Variants in SPINK5 observed in about 807,000 individuals in gnomAD.
SPINK5 encodes the protein serine protease inhibitor Kazal-type 5.
In SPINK5, 125 loss-of-function variants were observed where a neutral mutation model predicts 151.8. The ratio of observed to expected loss-of-function variants is 0.82; its 90% confidence interval spans 0.71 to 0.96. The LOEUF is 0.96. Ranked by LOEUF, SPINK5 falls within the 40% of genes least tolerant of loss-of-function variation. SPINK5 has a pLI of 0.00. For missense variants in SPINK5, 1,194 were observed against 1,291.9 expected (o/e 0.92, Z 1.16); for synonymous variants, 374 against 395.3 (o/e 0.95, Z 0.64).
At chr5:148,113,465 T>G (rs1191052079) in intron 20 of SPINK5, among the ~76,000 whole-genome samples, 2 of 152,210 alleles carry the variant, frequency 1.3e-5, no homozygotes, top group Non-Finnish European at 2.9e-5. Context: ...TATTTGTTTT[T>G]GGATTACCAC....
chr5:148,128,954 G>T (rs752025069), intron 30 of SPINK5, among the ~76,000 whole-genome samples: 7 of 152,112 alleles, frequency 4.6e-5, no homozygotes, highest in Non-Finnish European at 1.0e-4. Context: ...ATAATGCCAA[G>T]GAGGAAATAA....
chr5:148,077,855 T>C (rs1752924620), intron 4 of SPINK5, among the ~76,000 whole-genome samples: 1 of 150,716 alleles, frequency 6.6e-6, no homozygotes, highest in Admixed American at 6.6e-5. Context: ...TATAAAGGTG[T>C]ACTAGAAATA....
At position 148,131,117 on chromosome 5, in the gene SPINK5, T is replaced by C. The variant is rs541338551; in HGVS notation, c.2965-142T>C. 3 of 1,178,548 alleles carry C rather than the reference T, an allele frequency of 2.5e-6. No homozygotes were observed. In the South Asian group the frequency reaches 3.7e-5, roughly 14 times the overall value. 73.0% of individuals were successfully genotyped at this position (1,178,548 alleles called of 1,614,324 possible). A position where few individuals can be genotyped will look rare whatever the true frequency, so the allele number is the denominator to read the frequency against. On this transcript the variant is annotated intron_variant, in intron 30 of 32. Transcript: ENST00000256084. ...TCCACCTCATATGGTGCAAAATCAA[T>C]CTTTGAGTTTGAATAACATATATCA...
intron 28 of SPINK5, chr5:148,125,442 G>T: frequency 7.8e-7 from 1 of 1,281,830 alleles, no homozygotes; most frequent in South Asian, 1.3e-5. Context: ...TGGGGAAAAT[G>T]GGGAAAGGAA....
At position 148,097,928 on chromosome 5, in the gene SPINK5, A is replaced by G. The variant is rs1442961573; in HGVS notation, c.944A>G (p.Asn315Ser). 5.0e-6 allele frequency: 8 copies of G among 1,612,492 alleles called. No individual in the cohort carries two copies. The highest frequency in any genetic ancestry group is 6.8e-6 in the Non-Finnish European group (8 of 1,178,884). ...GGAATACTTTTCTGTACCAGAGAAA[A>G]TGACCCTATTCGTGGTCCAGATGGG... Reference protein sequence around the residue: ...KNGILFCTRENDPIRGPDGKM... With the variant: ...KNGILFCTRESDPIRGPDGKM... The change falls in exon 11 of 33, where the codon AAT becomes AGT. Residue 315 changes from asparagine (N) to serine (S), a missense_variant. By Grantham distance (46) the Asn-to-Ser change is conservative. Coordinates refer to ENST00000256084, the MANE Select transcript of SPINK5 (RefSeq NM_006846.4).
chr5:148,065,497 TA>T, intron 2 of SPINK5, 125 bp downstream of exon 2: 6 of 1,036,562 alleles, frequency 5.8e-6, no homozygotes, highest in Non-Finnish European at 8.7e-6. Flanking sequence ...TAGCTTTTGT[TA>T]AAAACACAGA....
Position 148,112,727 on chromosome 5 carries a change from T to C in SPINK5, c.1821-141T>C, listed in dbSNP as rs1397861993. ...GGACAAGAACAATGATGTAGAGAGA[T>C]GTGTGTTTACCTTTCCACTCCAAAG... is the stretch of plus-strand genomic sequence containing the variant. On this transcript the variant is annotated intron_variant, in intron 19 of 32. Coordinates refer to ENST00000256084, the MANE Select transcript of SPINK5 (RefSeq NM_006846.4). 7.5e-6 allele frequency: 10 copies of C among 1,330,840 alleles called. No individual in the cohort carries two copies. The Admixed American group carries it at 1.9e-4, about 25-fold the overall frequency. The allele number at this position is 1,330,840 out of a possible 1,614,324, so 82.4% of individuals were successfully genotyped here.
At chr5:148,132,936 A>C (rs527430889) in intron 31 of SPINK5, among the ~76,000 whole-genome samples, 7 of 152,184 alleles carry the variant, frequency 4.6e-5, no homozygotes, top group Non-Finnish European at 1.0e-4. Context: ...ATTACTATAT[A>C]TACCTTATCT....
chr5:148,109,207 A>G (rs1753857771), intron 18 of SPINK5, among the ~76,000 whole-genome samples: 1 of 152,200 alleles, frequency 6.6e-6, no homozygotes, highest in African/African-American at 2.4e-5. Context: ...AAACAGCAAC[A>G]ACTAGGGATC....
chr5:148,084,935 A>G (rs962681720), intron 4 of SPINK5, among the ~76,000 whole-genome samples: 1 of 151,846 alleles, frequency 6.6e-6, no homozygotes. Flanking sequence ...GTCTCTTTCT[A>G]TCAGAATGTA....
intron 12 of SPINK5, among the ~76,000 whole-genome samples, chr5:148,099,658 A>T (rs1269416917): frequency 6.6e-6 from 1 of 152,076 alleles, no homozygotes; most frequent in Non-Finnish European, 1.5e-5. Flanking sequence ...ATCTAATTTG[A>T]GATAAAAAAT....
At position 148,086,396 on chromosome 5, in the gene SPINK5, C is replaced by T; in HGVS notation, c.283-9C>T. ...ACATTTTGACGTTCCTTGATCATGTCTTTTGCAGCTGAATTGTGATGATTT... is the reference window on the plus strand; with the variant it reads ...ACATTTTGACGTTCCTTGATCATGTTTTTTGCAGCTGAATTGTGATGATTT... On this transcript the variant is annotated splice_polypyrimidine_tract_variant and intron_variant, in intron 4 of 32. Coordinates refer to ENST00000256084, the MANE Select transcript of SPINK5 (RefSeq NM_006846.4). 1 of 1,609,660 alleles carries T rather than the reference C, an allele frequency of 6.2e-7. No homozygotes were observed. Among genetic ancestry groups the T allele is most frequent in the Non-Finnish European group, 8.5e-7 (1 of 1,178,134 alleles).
chr5:148,079,252 C>G (rs1015243334), intron 4 of SPINK5, among the ~76,000 whole-genome samples: 1 of 150,944 alleles, frequency 6.6e-6, no homozygotes. Context: ...AATAGACTTA[C>G]AGCATAAGTA....
chr5:148,125,399 G>C, intron 28 of SPINK5: 1 of 821,846 alleles, frequency 1.2e-6, no homozygotes, highest in South Asian at 1.5e-5. Context: ...TTAGATCCCT[G>C]AGCAATTGTC....
chr5:148,122,866 A>ATTTTTT (rs111936279), intron 26 of SPINK5, among the ~76,000 whole-genome samples: 62 of 127,788 alleles, frequency 4.9e-4, no homozygotes, highest in African/African-American at 1.7e-3. Context: ...TCGCACAATA[A>ATTTTTT]TTTTTTTTTT....
At chr5:148,096,106 T>C (rs573291539) in intron 10 of SPINK5, among the ~76,000 whole-genome samples, 21 of 152,106 alleles carry the variant, frequency 1.4e-4, no homozygotes, top group Non-Finnish European at 2.2e-4. Flanking sequence ...AATTTCTAGC[T>C]GTATATGGAG....
At chr5:148,134,088 A>C (rs1387949600) in intron 32 of SPINK5, 1 of 649,318 alleles carries the variant, frequency 1.5e-6, no homozygotes, top group Non-Finnish European at 2.8e-6. Context: ...AGCAGTTAAT[A>C]TTTTAAAATA....
Position 148,121,143 on chromosome 5 carries a change from CAAAAAAA to C in SPINK5, c.2538+770_2538+776del, listed in dbSNP as rs767012594. Among the ~76,000 whole-genome samples the C allele has an allele frequency of 3.1e-4, 21 of 68,670 alleles. No homozygotes were observed. In the South Asian group the frequency reaches 4.1e-3, roughly 13 times the overall value. 45.1% of individuals were successfully genotyped at this position (68,670 alleles called of 152,430 possible). A position where few individuals can be genotyped will look rare whatever the true frequency, so the allele number is the denominator to read the frequency against. On this transcript the variant is annotated intron_variant, in intron 26 of 32. Coordinates refer to ENST00000256084, the MANE Select transcript of SPINK5 (RefSeq NM_006846.4). ...TGGGCGACAGAGCAAGACTCTGTCT[CAAAAAAA>C]AAAAAAAAAAAAAAAAAGGAAAAGA...
At chr5:148,065,326 G>A (rs780197268) in intron 1 of SPINK5, 21 bp from the exon 2 acceptor site, 4 of 1,611,566 alleles carry the variant, frequency 2.5e-6, no homozygotes, top group Non-Finnish European at 3.4e-6. Context: ...CTTAACTTTG[G>A]TTTCTATATT....
Sources: allele counts gnomAD v4.1 joint callset (sites outside exome capture counted in the v4.1 genomes callset), GRCh38; gene constraint gnomAD v4.1.1; transcripts MANE v1.5; gene names NCBI Gene and HGNC (gene_info 2026-07-23, HGNC 2026-07-21).